LRRTM4: variants seen among roughly 807,000 people sequenced by gnomAD.
The protein encoded by LRRTM4 is leucine rich repeat transmembrane neuronal 4.
Under a neutral mutation model 47.6 loss-of-function variants are expected in LRRTM4, and 25 were observed. The observed-to-expected ratio is 0.53, with a 90% CI of 0.38 to 0.73. LRRTM4 has a LOEUF of 0.73. Ranked by LOEUF, LRRTM4 falls within the 30% of genes least tolerant of loss-of-function variation. LRRTM4 has a pLI of 0.00. For synonymous variants in LRRTM4, 311 were observed against 269.5 expected, an observed-to-expected ratio of 1.15 and a Z score of -1.51; for missense variants, 638 against 713.4, an observed-to-expected ratio of 0.89 and a Z score of 1.20.
chr2:77,437,632 A>T (rs1350953246), intron 3 of LRRTM4, among the ~76,000 whole-genome samples: 5 of 152,148 alleles, frequency 3.3e-5, no homozygotes, highest in African/African-American at 7.2e-5. Flanking sequence ...TAAAGTGATT[A>T]AAAATGACAT....
chr2:77,033,730 T>C (rs1678740453), intron 3 of LRRTM4, among the ~76,000 whole-genome samples: 1 of 151,920 alleles, frequency 6.6e-6, no homozygotes, highest in South Asian at 2.1e-4. Context: ...AGTTAATTTC[T>C]AATATCAATA....
chr2:77,214,536 C>T (rs761664821), intron 3 of LRRTM4, among the ~76,000 whole-genome samples: 2 of 152,110 alleles, frequency 1.3e-5, no homozygotes, highest in South Asian at 2.1e-4. Flanking sequence ...CTCTGATATG[C>T]TAACTTATTT....
intron 3 of LRRTM4, among the ~76,000 whole-genome samples, chr2:77,286,038 C>A (rs1676649034): frequency 6.6e-6 from 1 of 152,040 alleles, no homozygotes; most frequent in South Asian, 2.1e-4. Flanking sequence ...GTGTGCTAAA[C>A]TGCACTGAAT....
intron 3 of LRRTM4, among the ~76,000 whole-genome samples, chr2:76,794,935 G>C (rs775227025): frequency 2.6e-5 from 4 of 151,814 alleles, no homozygotes; most frequent in Non-Finnish European, 4.4e-5. Flanking sequence ...TTAAACAATA[G>C]TGTGTAGACA....
chr2:76,782,738 C>T (rs111374378), intron 3 of LRRTM4, among the ~76,000 whole-genome samples: 6 of 152,288 alleles, frequency 3.9e-5, no homozygotes, highest in African/African-American at 1.4e-4. Context: ...AATTTTTCAA[C>T]ATATTTATTG....
At chr2:77,368,049 G>GA (rs1201931783) in intron 3 of LRRTM4, among the ~76,000 whole-genome samples, 6 of 151,368 alleles carry the variant, frequency 4.0e-5, no homozygotes, top group African/African-American at 1.2e-4. Flanking sequence ...CTCTGTAGTG[G>GA]AAAAATATTG....
At chr2:77,227,364 A>G (rs1016542523) in intron 3 of LRRTM4, among the ~76,000 whole-genome samples, 1 of 152,124 alleles carries the variant, frequency 6.6e-6, no homozygotes, top group Admixed American at 6.6e-5. Flanking sequence ...AAGTTTAAAA[A>G]CACAATTTAA....
chr2:77,379,681 G>T (rs1304973414), intron 3 of LRRTM4, among the ~76,000 whole-genome samples: 1 of 151,848 alleles, frequency 6.6e-6, no homozygotes, highest in Non-Finnish European at 1.5e-5. Context: ...TAATTCTTTA[G>T]ATAAAGGCTA....
At chr2:77,295,759 T>C (rs1481745081) in intron 3 of LRRTM4, among the ~76,000 whole-genome samples, 1 of 152,148 alleles carries the variant, frequency 6.6e-6, no homozygotes, top group Non-Finnish European at 1.5e-5. Context: ...CTCTATTTGT[T>C]GTATCTAAAT....
intron 3 of LRRTM4, among the ~76,000 whole-genome samples, chr2:76,948,444 A>G (rs1675395044): frequency 6.6e-6 from 1 of 151,836 alleles, no homozygotes; most frequent in Non-Finnish European, 1.5e-5. Context: ...ATAGTCTTAC[A>G]CTATTTAGAA....
intron 3 of LRRTM4, among the ~76,000 whole-genome samples, chr2:76,891,805 T>C (rs1270500978): frequency 2.0e-5 from 3 of 151,740 alleles, no homozygotes; most frequent in Non-Finnish European, 3.0e-5. Flanking sequence ...TGATAATAGA[T>C]GAAGCCTTTC....
intron 3 of LRRTM4, among the ~76,000 whole-genome samples, chr2:76,801,713 A>G (rs62172132): frequency 0.12 from 18,401 of 152,180 alleles, 1,444 homozygotes; most frequent in Admixed American, 0.21. Context: ...ACATGTATGA[A>G]AAATCCTCAG....
At chr2:77,469,288 C>T (rs996372233) in intron 3 of LRRTM4, among the ~76,000 whole-genome samples, 1 of 152,124 alleles carries the variant, frequency 6.6e-6, no homozygotes. Flanking sequence ...CAACCGCAGC[C>T]CACACAGAAG....
intron 3 of LRRTM4, among the ~76,000 whole-genome samples, chr2:77,089,369 A>C (rs1680847784): frequency 6.6e-6 from 1 of 150,584 alleles, no homozygotes. Context: ...TCTGCACCCC[A>C]ATCCCTTATT....
Position 77,519,815 on chromosome 2 carries a change from T to A in LRRTM4, c.54A>T (p.Leu18=). ...GCATAACAAGCAGCAGTGTAGGAAG[T>A]AGCACCAGCACCACACTCATGCCTT... ...QLKGMSVVLV[L]LPTLLLVMLT... Residue 18 remains leucine, a synonymous_variant, in exon 3 of 4, where the codon CTA becomes CTT. Transcript: ENST00000409884. The surrounding 1 kb of genome is among the most constrained non-coding windows in gnomAD (Gnocchi z 4.6). The A allele has an allele frequency of 6.2e-7, 1 of 1,612,620 alleles. No individual in the cohort carries two copies. The highest frequency in any genetic ancestry group is 8.5e-7 in the Non-Finnish European group (1 of 1,179,276).
intron 3 of LRRTM4, among the ~76,000 whole-genome samples, chr2:77,193,220 T>C (rs1190008858): frequency 1.3e-5 from 2 of 152,090 alleles, no homozygotes; most frequent in African/African-American, 2.4e-5. Context: ...GACCATATAG[T>C]CTAGGTGTGT....
chr2:77,212,029 T>C (rs917594894), intron 3 of LRRTM4, among the ~76,000 whole-genome samples: 6 of 152,076 alleles, frequency 3.9e-5, no homozygotes, highest in Admixed American at 2.0e-4. Context: ...GTTATGCATA[T>C]TGTGATGGAT....
At chr2:77,203,001 C>T (rs551778393) in intron 3 of LRRTM4, among the ~76,000 whole-genome samples, 87 of 152,108 alleles carry the variant, frequency 5.7e-4, no homozygotes, top group African/African-American at 2.0e-3. Flanking sequence ...TGGTTTCGCA[C>T]ATTAAGACTA....
chr2:77,217,534 A>C (rs981594613), intron 3 of LRRTM4, among the ~76,000 whole-genome samples: 2 of 146,150 alleles, frequency 1.4e-5, no homozygotes, highest in South Asian at 4.4e-4. Context: ...AACTGGGTTC[A>C]GATTACTCCT....
Sources: gnomAD v4.1 joint callset for allele counts (sites outside exome capture counted in the v4.1 genomes callset) on GRCh38, gnomAD v4.1.1 for gene constraint, Gnocchi (gnomAD v3.1) non-coding constraint, MANE v1.5 for transcripts, NCBI Gene and HGNC (gene_info 2026-07-23, HGNC 2026-07-21) for gene names.